Variants in SLC22A23 observed in about 807,000 individuals in gnomAD.
The protein encoded by SLC22A23 is ion transporter protein.
Under a neutral mutation model 61.0 loss-of-function variants are expected in SLC22A23, and 26 were observed. The observed-to-expected ratio is 0.43, with a 90% CI of 0.31 to 0.59. The LOEUF (loss-of-function observed/expected upper bound fraction) is 0.59, where lower values mean the gene tolerates loss of function less well. Among genes scored for constraint, SLC22A23 ranks in the 20% least tolerant of loss-of-function variants. SLC22A23 has a pLI of 0.11. For synonymous variants in SLC22A23, 430 were observed against 413.9 expected, an observed-to-expected ratio of 1.04 and a Z score of -0.47; for missense variants, 796 against 934.7, an observed-to-expected ratio of 0.85 and a Z score of 1.94.
Position 3,372,569 on chromosome 6 carries a change from G to A in SLC22A23, c.913+37619C>T, listed in dbSNP as rs1451629348. Among the ~76,000 whole-genome samples, 2 of 152,172 alleles carry A rather than the reference G, an allele frequency of 1.3e-5. No individual in the cohort carries two copies. The highest frequency in any genetic ancestry group is 3.9e-4 in the East Asian group (2 of 5,188). On this transcript the variant is annotated intron_variant, in intron 3 of 9. Coordinates refer to ENST00000406686, the MANE Select transcript of SLC22A23 (RefSeq NM_015482.2). The surrounding 1 kb of genome is among the most constrained non-coding windows in gnomAD (Gnocchi z 4.7). ...CCAGCCTGGAGCTCTGTCGTGTACT[G>A]GTGGCGTGGCCTGAGGAAACCGTGG...
intron 3 of SLC22A23, among the ~76,000 whole-genome samples, chr6:3,405,240 G>A (rs1343548574): frequency 1.3e-5 from 2 of 151,548 alleles, no homozygotes; most frequent in African/African-American, 4.9e-5. Flanking sequence ...CAGCCCAGGC[G>A]ACAGTGCGAG....
At chr6:3,384,282 C>T (rs913988572) in intron 3 of SLC22A23, among the ~76,000 whole-genome samples, 20 of 152,326 alleles carry the variant, frequency 1.3e-4, no homozygotes, top group African/African-American at 4.6e-4. Context: ...TCCTATCATA[C>T]GTCTGCTTTA....
At chr6:3,449,680 G>A (rs905795343) in intron 1 of SLC22A23, among the ~76,000 whole-genome samples, 15 of 152,314 alleles carry the variant, frequency 9.8e-5, no homozygotes, top group African/African-American at 3.6e-4. Context: ...CCTGGGTCAG[G>A]GAGGGTGTAG....
intron 3 of SLC22A23, among the ~76,000 whole-genome samples, chr6:3,392,032 T>C (rs1402952533): frequency 6.6e-6 from 1 of 152,164 alleles, no homozygotes; most frequent in East Asian, 1.9e-4. Flanking sequence ...ATGGAAGCTG[T>C]TAGAGCGTGT....
At chr6:3,277,458 C>T (rs1031601795) in intron 9 of SLC22A23, among the ~76,000 whole-genome samples, 1 of 152,088 alleles carries the variant, frequency 6.6e-6, no homozygotes, top group Non-Finnish European at 1.5e-5. Flanking sequence ...AAACACGCAT[C>T]GCCTCTAGAG....
At chr6:3,315,564 T>C (rs960800214) in intron 4 of SLC22A23, among the ~76,000 whole-genome samples, 1 of 152,116 alleles carries the variant, frequency 6.6e-6, no homozygotes, top group African/African-American at 2.4e-5. Flanking sequence ...CCCTATTTCA[T>C]GTAAGAAAAG....
At position 3,424,316 on chromosome 6, in the gene SLC22A23, T is replaced by C. The variant is rs190357134; in HGVS notation, c.655-8461A>G. Among the ~76,000 whole-genome samples the C allele has an allele frequency of 2.7e-3, 407 of 152,374 alleles. 2 individuals carry two copies. Among genetic ancestry groups the C allele is most frequent in the Middle Eastern group, 6.8e-3 (2 of 294 alleles). ...TCCCACTCCAACTTTTCTGGCTTGATGCCTGCTTTAAAGGACAAACCTCAC... is the reference window on the plus strand; with the variant it reads ...TCCCACTCCAACTTTTCTGGCTTGACGCCTGCTTTAAAGGACAAACCTCAC... On this transcript the variant is annotated intron_variant, in intron 1 of 9. Coordinates refer to ENST00000406686, the MANE Select transcript of SLC22A23 (RefSeq NM_015482.2).
At chr6:3,431,304 C>T (rs1024709910) in intron 1 of SLC22A23, among the ~76,000 whole-genome samples, 1 of 152,200 alleles carries the variant, frequency 6.6e-6, no homozygotes, top group Non-Finnish European at 1.5e-5. Flanking sequence ...CTCAATCAAA[C>T]CTTATTTGGG....
rs1318120385 is a variant in SLC22A23, at chr6:3,368,572, G to A, written c.913+41616C>T. Reference sequence around the variant, plus strand: ...TTGGCCACATTTCAACATAAAGTGGGTCAGAGTGATGAAAAACTGAAAAAG... The same window carrying A: ...TTGGCCACATTTCAACATAAAGTGGATCAGAGTGATGAAAAACTGAAAAAG... On this transcript the variant is annotated intron_variant, in intron 3 of 9. Coordinates refer to ENST00000406686, the MANE Select transcript of SLC22A23 (RefSeq NM_015482.2). Among the ~76,000 whole-genome samples, 3 of 152,198 alleles carry A rather than the reference G, an allele frequency of 2.0e-5. No individual in the cohort carries two copies. In the East Asian group the frequency reaches 5.8e-4, roughly 29 times the overall value.
chr6:3,280,650 C>T (rs1759381563), intron 9 of SLC22A23, among the ~76,000 whole-genome samples: 1 of 151,912 alleles, frequency 6.6e-6, no homozygotes, highest in South Asian at 2.1e-4. Context: ...CGCCCGCCAC[C>T]ACGCCCGGCT....
Position 3,329,671 on chromosome 6 carries a change from G to A in SLC22A23, c.914-5669C>T, listed in dbSNP as rs1194304434. Among the ~76,000 whole-genome samples the A allele has an allele frequency of 6.6e-6, 1 of 152,148 alleles. No homozygotes were observed. Among genetic ancestry groups the A allele is most frequent in the Non-Finnish European group, 1.5e-5 (1 of 68,024 alleles). ...CTTGCAGCCAAGGTAGGTAACGATC[G>A]TACCTACCACATGAGGTGGTCATGA... On this transcript the variant is annotated intron_variant, in intron 3 of 9. Transcript: ENST00000406686. This position sits in a 1 kb window ranked among gnomAD's most constrained non-coding sequence, Gnocchi z 4.8.
intron 5 of SLC22A23, among the ~76,000 whole-genome samples, chr6:3,293,384 C>G (rs1760787689): frequency 6.6e-6 from 1 of 152,248 alleles, no homozygotes; most frequent in Non-Finnish European, 1.5e-5. Flanking sequence ...GAAAAAGCAC[C>G]TGCTGCCTCT....
At position 3,273,331 on chromosome 6, in the gene SLC22A23, T is replaced by C. The variant is rs1236428600; in HGVS notation, c.1785A>G (p.Lys595=). The change falls in exon 10 of 10, where the codon AAA becomes AAG. Residue 595 remains lysine (K), a synonymous_variant. Coordinates refer to ENST00000406686, the MANE Select transcript of SLC22A23 (RefSeq NM_015482.2). Reference sequence around the variant, plus strand: ...AGATGATGTGGTGCAGGAAGTAGCCTTTCTGGTTGTGCAGCTCGATGATGG... The same window carrying C: ...AGATGATGTGGTGCAGGAAGTAGCCCTTCTGGTTGTGCAGCTCGATGATGG... ...TAPIIELHNQ[K]GYFLHHIIFA... is the part of the protein sequence containing the mutation. The C allele has an allele frequency of 6.2e-7, 1 of 1,614,084 alleles. No homozygotes were observed.
At chr6:3,310,272 G>T (rs915760513) in intron 4 of SLC22A23, among the ~76,000 whole-genome samples, 9 of 137,496 alleles carry the variant, frequency 6.5e-5, no homozygotes, top group African/African-American at 1.3e-4. Context: ...TCTCCCACTG[G>T]AGCACCCTGT....
intron 1 of SLC22A23, among the ~76,000 whole-genome samples, chr6:3,416,955 T>C (rs1269753034): frequency 6.6e-6 from 1 of 152,088 alleles, no homozygotes; most frequent in African/African-American, 2.4e-5. Context: ...CCTAGTTCTG[T>C]CTTCTTAGAT....
Position 3,274,957 on chromosome 6 carries a change from C to CTT in SLC22A23, c.1704-1547_1704-1546dup, listed in dbSNP as rs11393848. Among the ~76,000 whole-genome samples, 309 of 143,428 alleles carry CTT rather than the reference C, an allele frequency of 2.2e-3. 1 individual carries two copies. Among genetic ancestry groups the CTT allele is most frequent in the South Asian group, 4.0e-3 (18 of 4,556 alleles). 94.1% of individuals were successfully genotyped at this position (143,428 alleles called of 152,430 possible). A position where few individuals can be genotyped will look rare whatever the true frequency, so the allele number is the denominator to read the frequency against. On this transcript the variant is annotated intron_variant, in intron 9 of 9. Coordinates refer to ENST00000406686, the MANE Select transcript of SLC22A23 (RefSeq NM_015482.2). ...TAATCCCTATCAAAATTCCAGGTGA[C>CTT]TTTTTTTTTTTTTCAGAAAACAGCC...
chr6:3,446,786 T>C (rs1367592792), intron 1 of SLC22A23, among the ~76,000 whole-genome samples: 6 of 152,212 alleles, frequency 3.9e-5, no homozygotes, highest in African/African-American at 1.4e-4. Flanking sequence ...CAAGTCTCCA[T>C]CGTACGTGCG....
rs1463279245 is a variant in SLC22A23 at position 3,317,882 on chromosome 6, A to G, written c.1082+5952T>C. The stretch of plus-strand genomic sequence containing the variant: ...AGCTGCCGCAGCTCTTCCTTCACCT[A>G]AAGCCCAGCCGATCCTGCCATGGCC... On this transcript the variant is annotated intron_variant, in intron 4 of 9. Coordinates refer to ENST00000406686, the MANE Select transcript of SLC22A23 (RefSeq NM_015482.2). This position sits in a 1 kb window ranked among gnomAD's most constrained non-coding sequence, Gnocchi z 4.4. 6.6e-6 allele frequency among the ~76,000 whole-genome samples: 1 copy of G among 152,102 alleles called. No homozygotes were observed. The highest frequency in any genetic ancestry group is 1.5e-5 in the Non-Finnish European group (1 of 67,996).
At chr6:3,371,025 G>A (rs550497250) in intron 3 of SLC22A23, among the ~76,000 whole-genome samples, 1 of 152,222 alleles carries the variant, frequency 6.6e-6, no homozygotes, top group Non-Finnish European at 1.5e-5. Context: ...CTCTCCTCGA[G>A]CTGACGAGGA....
Sources: allele counts gnomAD v4.1 joint callset (sites outside exome capture counted in the v4.1 genomes callset), GRCh38; gene constraint gnomAD v4.1.1; non-coding constraint Gnocchi (gnomAD v3.1); transcripts MANE v1.5; gene names NCBI Gene and HGNC (gene_info 2026-07-23, HGNC 2026-07-21).